Variants in EBF4 observed in about 807,000 individuals in gnomAD.
EBF4 encodes EBF transcription factor 4.
Under a neutral mutation model 67.1 loss-of-function variants are expected in EBF4, and 34 were observed. The ratio of observed to expected loss-of-function variants is 0.51; its 90% confidence interval spans 0.39 to 0.67. The LOEUF (loss-of-function observed/expected upper bound fraction) is 0.67. EBF4 is among the 30% of genes least tolerant of loss of function. The pLI is 0.00. For missense variants in EBF4, 837 were observed against 873.3 expected, an observed-to-expected ratio of 0.96 and a Z score of 0.52; for synonymous variants, 387 against 377.7, an observed-to-expected ratio of 1.02 and a Z score of -0.29.
intron 1 of EBF4, among the ~76,000 whole-genome samples, chr20:2,694,061 A>C (rs1019279096): frequency 6.6e-6 from 1 of 152,170 alleles, no homozygotes; most frequent in Non-Finnish European, 1.5e-5. Context: ...CGGGCTGTCT[A>C]TGGCTCTGAG....
In EBF4 at chr20:2,756,866, A is replaced by G. The variant is rs2088252661; in HGVS notation, c.1738+1042A>G. ...ACTGAAGAATTTGTCAGAGCCTTTC[A>G]TGTGCCAGGGTACGTTGTGAACCTT... On this transcript the variant is annotated intron_variant, in intron 15 of 16. Coordinates refer to ENST00000609451, the Ensembl canonical transcript of EBF4. This position sits in a 1 kb window ranked among gnomAD's most constrained non-coding sequence, Gnocchi z 4.5. Among the ~76,000 whole-genome samples, 1 of 152,246 alleles carries G rather than the reference A, an allele frequency of 6.6e-6. No individual in the cohort carries two copies. The highest frequency in any genetic ancestry group is 6.5e-5 in the Admixed American group (1 of 15,286).
Position 2,747,703 on chromosome 20 carries a change from A to G in EBF4, c.558-846A>G, listed in dbSNP as rs533650690. 2.0e-5 allele frequency among the ~76,000 whole-genome samples: 3 copies of G among 152,324 alleles called. No individual in the cohort carries two copies. Among genetic ancestry groups the G allele is most frequent in the Admixed American group, 1.3e-4 (2 of 15,304 alleles). ...CATCTGCTATATGGGATGGCTTTACAGTATTTGCAATAACTATATTTTGGG... is the reference window on the plus strand; with the variant it reads ...CATCTGCTATATGGGATGGCTTTACGGTATTTGCAATAACTATATTTTGGG... On this transcript the variant is annotated intron_variant, in intron 6 of 16. Coordinates refer to ENST00000609451, the Ensembl canonical transcript of EBF4. The surrounding 1 kb of genome is among the most constrained non-coding windows in gnomAD (Gnocchi z 4.6).
intron 6 of EBF4, among the ~76,000 whole-genome samples, chr20:2,737,634 T>G (rs1600231044): frequency 6.6e-6 from 1 of 151,820 alleles, no homozygotes; most frequent in Non-Finnish European, 1.5e-5. Flanking sequence ...ACCCCACCCT[T>G]ACCGATCATC....
exon 14 of EBF4, chr20:2,752,359 T>C: frequency 1.6e-6 from 2 of 1,220,096 alleles, no homozygotes; most frequent in Non-Finnish European, 2.0e-6. Context: ...TCTCGCAGGC[T>C]ACGCGCGCAG....
intron 1 of EBF4, among the ~76,000 whole-genome samples, chr20:2,699,322 A>G (rs913360180): frequency 2.6e-5 from 4 of 152,326 alleles, no homozygotes; most frequent in African/African-American, 9.6e-5. Flanking sequence ...GTGCTCAGGA[A>G]GTCCATGCAC....
exon 13 of EBF4, chr20:2,752,257 G>A (rs955873119): frequency 3.7e-5 from 47 of 1,260,324 alleles, no homozygotes; most frequent in Non-Finnish European, 4.1e-5. Context: ...CCCGGGGCCC[G>A]AGCCGGGTGC....
intron 6 of EBF4, among the ~76,000 whole-genome samples, chr20:2,716,704 A>T (rs1459205264): frequency 6.6e-6 from 1 of 152,210 alleles, no homozygotes; most frequent in Non-Finnish European, 1.5e-5. Flanking sequence ...GGAACTACCA[A>T]TTATTCCAAT....
At chr20:2,715,663 G>T (rs1056678135) in intron 6 of EBF4, among the ~76,000 whole-genome samples, 3 of 152,228 alleles carry the variant, frequency 2.0e-5, no homozygotes, top group African/African-American at 7.2e-5. Context: ...AATCTGGTGG[G>T]TGTACAGGGC....
chr20:2,728,713 G>A (rs2087775631), intron 6 of EBF4, among the ~76,000 whole-genome samples: 1 of 152,102 alleles, frequency 6.6e-6, no homozygotes, highest in African/African-American at 2.4e-5. Flanking sequence ...TTTATCCACA[G>A]CAGGATTCCT....
chr20:2,734,009 T>C (rs909995668), intron 6 of EBF4, among the ~76,000 whole-genome samples: 1 of 152,198 alleles, frequency 6.6e-6, no homozygotes, highest in Non-Finnish European at 1.5e-5. Context: ...TAATTTGAAA[T>C]CCTTTATTGA....
At chr20:2,737,285 G>A (rs1463468046) in intron 6 of EBF4, among the ~76,000 whole-genome samples, 1 of 151,776 alleles carries the variant, frequency 6.6e-6, no homozygotes, top group East Asian at 1.9e-4. Flanking sequence ...AGAAGATTGG[G>A]GGAAGAGGGG....
At position 2,710,323 on chromosome 20, in the gene EBF4, T is replaced by C. The variant is rs2087524863; in HGVS notation, c.557+681T>C. 3.3e-5 allele frequency among the ~76,000 whole-genome samples: 5 copies of C among 152,138 alleles called. No individual in the cohort carries two copies. The South Asian group carries it at 1.0e-3, about 32-fold the overall frequency. On this transcript the variant is annotated intron_variant, in intron 6 of 16. Coordinates refer to ENST00000609451, the Ensembl canonical transcript of EBF4. Reference sequence around the variant, plus strand: ...GCCTCCACACCTGGCTAATTTTTTGTATTTTTTGTAGAGACCGGGTTTTGC... The same window carrying C: ...GCCTCCACACCTGGCTAATTTTTTGCATTTTTTGTAGAGACCGGGTTTTGC...
Position 2,739,727 on chromosome 20 carries a change from C to T in EBF4, c.558-8822C>T, listed in dbSNP as rs1317364162. Among the ~76,000 whole-genome samples the T allele has an allele frequency of 6.6e-6, 1 of 152,168 alleles. No homozygotes were observed. Among genetic ancestry groups the T allele is most frequent in the Admixed American group, 6.5e-5 (1 of 15,284 alleles). On this transcript the variant is annotated intron_variant, in intron 6 of 16. Coordinates refer to ENST00000609451, the Ensembl canonical transcript of EBF4. The surrounding 1 kb of genome is among the most constrained non-coding windows in gnomAD (Gnocchi z 4.5). ...GAGCCAGAAACTGCTTCAGTTTCTTCGGAGGCTCATGGGAGCCCAAGACAA... is the reference window on the plus strand; with the variant it reads ...GAGCCAGAAACTGCTTCAGTTTCTTTGGAGGCTCATGGGAGCCCAAGACAA...
In EBF4 at chr20:2,749,987, C is replaced by CG. The variant is rs2088116811; in HGVS notation, c.1018+19dup. The CG allele has an allele frequency of 1.3e-6, 2 of 1,544,126 alleles. No homozygotes were observed. The highest frequency in any genetic ancestry group is 1.4e-5 in the African/African-American group (1 of 72,908). Reference sequence around the variant, plus strand: ...TTGTCTACACAGGTAAGGAGTCGGGCGGGGGAGTGGAGGTCTAAGGTGCGC... The same window carrying CG: ...TTGTCTACACAGGTAAGGAGTCGGGCGGGGGGAGTGGAGGTCTAAGGTGCGC... On this transcript the variant is annotated intron_variant, in intron 10 of 16. Transcript: ENST00000609451.
chr20:2,754,294 C>T (rs913740223), intron 14 of EBF4, among the ~76,000 whole-genome samples: 1 of 152,146 alleles, frequency 6.6e-6, no homozygotes, highest in African/African-American at 2.4e-5. Context: ...ATCAGAACTG[C>T]CCCAGCCAGA....
chr20:2,743,340 G>A (rs76006985), intron 6 of EBF4, among the ~76,000 whole-genome samples: 17,392 of 152,228 alleles, frequency 0.11, 1,029 homozygotes, highest in East Asian at 0.18. Flanking sequence ...GGGAGAGCCC[G>A]GGCACTGCTC....
At chr20:2,728,926 C>T (rs1460764737) in intron 6 of EBF4, among the ~76,000 whole-genome samples, 1 of 152,008 alleles carries the variant, frequency 6.6e-6, no homozygotes, top group Non-Finnish European at 1.5e-5. Context: ...TGGTTAATTT[C>T]CATATCATAG....
At chr20:2,736,849 G>C (rs1568580614) in intron 6 of EBF4, among the ~76,000 whole-genome samples, 1 of 141,274 alleles carries the variant, frequency 7.1e-6, no homozygotes, top group Admixed American at 7.2e-5. Flanking sequence ...CTAATGAAGA[G>C]GAAGGACTTA....
Position 2,756,396 on chromosome 20 carries a change from A to G in EBF4, c.1738+572A>G, listed in dbSNP as rs2088244061. Among the ~76,000 whole-genome samples the G allele has an allele frequency of 6.6e-6, 1 of 152,236 alleles. No homozygotes were observed. The highest frequency in any genetic ancestry group is 2.4e-5 in the African/African-American group (1 of 41,462). ...CCATGTGCAGCAGAACCTTTGAACC[A>G]GCAGAGCCTTTCCTATCCACGTGGT... On this transcript the variant is annotated intron_variant, in intron 15 of 16. Coordinates refer to ENST00000609451, the Ensembl canonical transcript of EBF4. The surrounding 1 kb of genome is among the most constrained non-coding windows in gnomAD (Gnocchi z 4.5).
Sources: allele counts gnomAD v4.1 joint callset (sites outside exome capture counted in the v4.1 genomes callset), GRCh38; gene constraint gnomAD v4.1.1; non-coding constraint Gnocchi (gnomAD v3.1); transcripts MANE v1.5; gene names NCBI Gene and HGNC (gene_info 2026-07-23, HGNC 2026-07-21).